Variants in TEX9 observed in about 807,000 individuals in gnomAD.
TEX9 encodes the protein testis-expressed protein 9.
In TEX9, 74 loss-of-function variants were observed where a neutral mutation model predicts 59.6. That is an observed-to-expected ratio of 1.24 (90% CI 1.03 to 1.51). The LOEUF (loss-of-function observed/expected upper bound fraction) is 1.51, where lower values mean the gene tolerates loss of function less well. TEX9 is among the 40% of genes most tolerant of loss of function. TEX9 has a pLI of 0.00. For missense variants in TEX9, 522 were observed against 447.8 expected, an observed-to-expected ratio of 1.17 and a Z score of -1.49; for synonymous variants, 186 against 152.2, an observed-to-expected ratio of 1.22 and a Z score of -1.64.
intron 1 of TEX9, among the ~76,000 whole-genome samples, chr15:56,268,653 CCTTGCA>C (rs1292382619): frequency 2.7e-5 from 4 of 150,070 alleles, no homozygotes; most frequent in African/African-American, 9.8e-5. Flanking sequence ...GTTGAACCAG[CCTTGCA>C]TCCCAGGGAT....
At chr15:56,458,560 C>CATAAAAGTGTT in the TEX9 span, among the ~76,000 whole-genome samples, 3 of 151,982 alleles carry the variant, frequency 2.0e-5, no homozygotes, top group Non-Finnish European at 4.4e-5. Flanking sequence ...ATGTATCTAC[C>CATAAAAGTGTT]GTACACAATC....
chr15:56,286,793 A>G (rs1447990731), intron 1 of TEX9, among the ~76,000 whole-genome samples: 1 of 152,214 alleles, frequency 6.6e-6, no homozygotes, highest in African/African-American at 2.4e-5. Context: ...TGATGTTCAA[A>G]TTACTACATC....
chr15:56,433,602 A>G (rs541946006), intron 12 of TEX9, among the ~76,000 whole-genome samples: 23 of 152,132 alleles, frequency 1.5e-4, no homozygotes, highest in African/African-American at 5.1e-4. Flanking sequence ...TGGGATTATT[A>G]TAATAACTTA....
intron 3 of TEX9, among the ~76,000 whole-genome samples, chr15:56,379,342 A>T (rs925435143): frequency 6.6e-6 from 1 of 152,130 alleles, no homozygotes; most frequent in African/African-American, 2.4e-5. Context: ...TCTAATTTCT[A>T]TGTCTTTGTA....
chr15:56,284,837 GTC>G (rs1289049305), intron 1 of TEX9, among the ~76,000 whole-genome samples: 2 of 151,852 alleles, frequency 1.3e-5, no homozygotes, highest in South Asian at 2.1e-4. Context: ...CCCCCATTTG[GTC>G]TCTCTGTTTT....
chr15:56,290,244 A>G (rs1445203052), intron 1 of TEX9, among the ~76,000 whole-genome samples: 1 of 151,840 alleles, frequency 6.6e-6, no homozygotes, highest in African/African-American at 2.4e-5. Context: ...AGGGTCATGC[A>G]CTCACATCTC....
intron 3 of TEX9, among the ~76,000 whole-genome samples, chr15:56,376,831 C>T (rs766451449): frequency 1.2e-4 from 19 of 152,096 alleles, no homozygotes; most frequent in Admixed American, 6.6e-4. Context: ...TTGTCTACTC[C>T]AATGTCCTGG....
At chr15:56,273,359 G>A (rs1316330198) in intron 1 of TEX9, among the ~76,000 whole-genome samples, 2 of 152,088 alleles carry the variant, frequency 1.3e-5, no homozygotes, top group African/African-American at 4.8e-5. Flanking sequence ...ATTAATCACA[G>A]TTTACCTTCA....
At chr15:56,433,175 G>A (rs12910210) in intron 12 of TEX9, among the ~76,000 whole-genome samples, 6 of 147,690 alleles carry the variant, frequency 4.1e-5, no homozygotes, top group African/African-American at 1.5e-4. Flanking sequence ...CTTTCCTTAG[G>A]ATGTCACCCA....
At chr15:56,362,624 C>T (rs1454456554), upstream of TEX9, among the ~76,000 whole-genome samples, 1 of 152,174 alleles carries the variant, frequency 6.6e-6, no homozygotes, top group African/African-American at 2.4e-5. Context: ...AGTGTATTCA[C>T]AGAGTTGTAC....
At chr15:56,444,156 T>C (rs1415139519) in intron 12 of TEX9, among the ~76,000 whole-genome samples, 9 of 152,060 alleles carry the variant, frequency 5.9e-5, no homozygotes, top group African/African-American at 2.2e-4. Context: ...ACCAAAAAAA[T>C]TTATCAGAAT....
At chr15:56,278,366 G>T (rs2044730837) in intron 1 of TEX9, among the ~76,000 whole-genome samples, 1 of 152,178 alleles carries the variant, frequency 6.6e-6, no homozygotes, top group African/African-American at 2.4e-5. Context: ...TAATGTGAAA[G>T]GCTGATTCCC....
chr15:56,323,484 G>T, intron 1 of TEX9: 2 of 189,018 alleles, frequency 1.1e-5, no homozygotes, highest in Non-Finnish European at 2.1e-5. Flanking sequence ...TGGGAGAGAT[G>T]TGGAATAACA....
chr15:56,299,299 C>T (rs570759705), intron 1 of TEX9, among the ~76,000 whole-genome samples: 50 of 152,308 alleles, frequency 3.3e-4, no homozygotes, highest in African/African-American at 9.6e-4. Context: ...AGCCACACAG[C>T]GCAGAAAGTA....
At chr15:56,308,436 A>T (rs900543753) in intron 1 of TEX9, among the ~76,000 whole-genome samples, 15 of 152,178 alleles carry the variant, frequency 9.9e-5, no homozygotes, top group Admixed American at 8.5e-4. Context: ...GAGTTGTAAG[A>T]GTGCTTTATT....
chr15:56,405,271 C>CA (rs1336185889), intron 9 of TEX9, among the ~76,000 whole-genome samples: 5 of 148,836 alleles, frequency 3.4e-5, no homozygotes, highest in African/African-American at 1.3e-4. Flanking sequence ...GTCGCCACTG[C>CA]ACTCCAGCCT....
intron 1 of TEX9, among the ~76,000 whole-genome samples, chr15:56,286,177 A>AGC (rs2044948738): frequency 6.6e-6 from 1 of 152,192 alleles, no homozygotes; most frequent in Non-Finnish European, 1.5e-5. Context: ...ATGAACAAAA[A>AGC]GCAGAAATAG....
intron 3 of TEX9, chr15:56,374,201 C>G (rs1346771982): frequency 1.3e-5 from 2 of 151,798 alleles, no homozygotes; most frequent in African/African-American, 4.8e-5. Flanking sequence ...CAAAAGGACC[C>G]CACGTTATAG....
chr15:56,257,964 G>C (rs748277988), intron 1 of TEX9, among the ~76,000 whole-genome samples: 1 of 152,022 alleles, frequency 6.6e-6, no homozygotes, highest in Admixed American at 6.6e-5. Context: ...GTTGATTTTT[G>C]TATATGGTAT....
Sources: allele counts gnomAD v4.1 joint callset (sites outside exome capture counted in the v4.1 genomes callset), GRCh38; gene constraint gnomAD v4.1.1; transcripts MANE v1.5; gene names NCBI Gene and HGNC (gene_info 2026-07-23, HGNC 2026-07-21).